The following ITCH variants were observed in gnomAD, a reference collection of about 807,000 sequenced individuals.
The protein encoded by ITCH is E3 ubiquitin-protein ligase Itchy homolog.
A neutral mutation model predicts 126.8 loss-of-function variants in ITCH; 28 were observed. The ratio of observed to expected loss-of-function variants is 0.22; its 90% CI spans 0.16 to 0.30. The LOEUF (loss-of-function observed/expected upper bound fraction) is 0.30. ITCH is among the 10% of genes least tolerant of loss of function. The probability of loss-of-function intolerance (pLI) is 1.00; values close to 1 mark genes in which losing one functional copy is unlikely to be tolerated. For missense variants in ITCH, 631 were observed against 1,032.4 expected, an observed-to-expected ratio of 0.61 and a Z score of 5.33; for synonymous variants, 342 against 340.0, an observed-to-expected ratio of 1.01 and a Z score of -0.06.
Position 34,428,451 on chromosome 20 carries a change from G to A in ITCH, c.521+3926G>A, listed in dbSNP as rs141295731. 7.9e-3 allele frequency among the ~76,000 whole-genome samples: 1,196 copies of A among 152,222 alleles called. 15 individuals are homozygous for A. Among genetic ancestry groups the A allele is most frequent in the African/African-American group, 0.027 (1,139 of 41,520 alleles). The stretch of plus-strand genomic sequence containing the variant: ...TGTTTATTGATCTGTTTTCCCCACA[G>A]CATGTCTGGATGTTTTATGTTTCTC... On this transcript the variant is annotated intron_variant, in intron 7 of 24. Coordinates refer to ENST00000374864, the MANE Select transcript of ITCH (RefSeq NM_031483.7).
intron 2 of ITCH, among the ~76,000 whole-genome samples, chr20:34,388,210 A>G (rs2038360022): frequency 6.7e-6 from 1 of 149,382 alleles, no homozygotes; most frequent in Admixed American, 6.7e-5. Context: ...CGGTCCTCCC[A>G]GTTTGGCCTC....
At chr20:34,417,202 T>C in intron 6 of ITCH, 1 of 675,100 alleles carries the variant, frequency 1.5e-6, no homozygotes, top group Non-Finnish European at 2.7e-6. Flanking sequence ...GTTTAAGTGA[T>C]TCTCCTATCT....
intron 7 of ITCH, among the ~76,000 whole-genome samples, chr20:34,428,608 G>A (rs983530415): frequency 1.1e-4 from 17 of 152,120 alleles, no homozygotes; most frequent in African/African-American, 4.1e-4. Context: ...TTTAAAGACA[G>A]GCTCTCGCTC....
intron 6 of ITCH, among the ~76,000 whole-genome samples, chr20:34,420,746 T>C (rs956261074): frequency 6.6e-6 from 1 of 152,202 alleles, no homozygotes; most frequent in African/African-American, 2.4e-5. Flanking sequence ...TGGTTTTTTG[T>C]CTCTTCCTCA....
intron 16 of ITCH, among the ~76,000 whole-genome samples, chr20:34,471,796 T>TGTGTGTG (rs58040161): frequency 2.7e-3 from 408 of 150,010 alleles, no homozygotes; most frequent in African/African-American, 3.1e-3. Context: ...TGTGTGTGTG[T>TGTGTGTG]TTCAGGTTTC....
At chr20:34,372,179 CCTGTAGTCCCAGCTACT>C (rs1237427345) in intron 2 of ITCH, among the ~76,000 whole-genome samples, 1 of 150,092 alleles carries the variant, frequency 6.7e-6, no homozygotes, top group Non-Finnish European at 1.5e-5. Flanking sequence ...GTGGCGGGCG[CCTGTAGTCCCAGCTACT>C]CGGGAGGCTG....
intron 1 of ITCH, among the ~76,000 whole-genome samples, chr20:34,365,097 G>A (rs1427392171): frequency 6.6e-6 from 1 of 152,028 alleles, no homozygotes; most frequent in Admixed American, 6.6e-5. Context: ...ATACTCAGGA[G>A]GCTGAGGTGG....
At chr20:34,379,709 C>T (rs906665244) in intron 2 of ITCH, among the ~76,000 whole-genome samples, 5 of 151,138 alleles carry the variant, frequency 3.3e-5, no homozygotes, top group East Asian at 3.9e-4. Context: ...ATTCTCCTGC[C>T]TCAGCCTCCC....
intron 7 of ITCH, among the ~76,000 whole-genome samples, chr20:34,427,949 A>G (rs1412283159): frequency 2.0e-5 from 3 of 152,184 alleles, no homozygotes; most frequent in Non-Finnish European, 4.4e-5. Context: ...ATTTATTATA[A>G]AGGCATTGCT....
At chr20:34,500,737 A>ATCCGGGGCGGGTG in intron 23 of ITCH, among the ~76,000 whole-genome samples, 1 of 152,198 alleles carries the variant, frequency 6.6e-6, no homozygotes, top group Middle Eastern at 3.4e-3. Context: ...TGCTTTATAT[A>ATCCGGGGCGGGTG]TCCGTCGTTC....
chr20:34,418,980 C>CA (rs1980372286), intron 6 of ITCH, among the ~76,000 whole-genome samples: 2 of 152,100 alleles, frequency 1.3e-5, no homozygotes, highest in African/African-American at 4.8e-5. Flanking sequence ...AGGCTGGTCT[C>CA]AAATTCCCAG....
chr20:34,460,153 T>C lies in ITCH; in HGVS notation c.1296-1940T>C, dbSNP rs17091821. Among the ~76,000 whole-genome samples the C allele has an allele frequency of 2.1e-4, 31 of 150,390 alleles. 1 individual carries two copies. The East Asian group carries it at 5.9e-3, about 28-fold the overall frequency. Reference sequence around the variant, plus strand: ...TTTTGGTAGTCTGTTTTATCTGACATTTGTATTCAGTTAAGTGAATACAGG... The same window carrying C: ...TTTTGGTAGTCTGTTTTATCTGACACTTGTATTCAGTTAAGTGAATACAGG... On this transcript the variant is annotated intron_variant, in intron 13 of 24. Coordinates refer to ENST00000374864, the MANE Select transcript of ITCH (RefSeq NM_031483.7).
At chr20:34,501,968 T>C (rs1008809242) in intron 23 of ITCH, among the ~76,000 whole-genome samples, 2 of 152,104 alleles carry the variant, frequency 1.3e-5, no homozygotes, top group African/African-American at 4.8e-5. Context: ...AAAAGCATAG[T>C]ATCAGAATAT....
intron 16 of ITCH, among the ~76,000 whole-genome samples, 168 bp from the exon 17 acceptor site, chr20:34,477,604 G>A (rs887677892): frequency 1.1e-4 from 16 of 152,054 alleles, no homozygotes; most frequent in Non-Finnish European, 1.0e-4. Context: ...ATTATTAAAC[G>A]TTACTATAAT....
At chr20:34,428,450 A>G (rs773335912) in intron 7 of ITCH, among the ~76,000 whole-genome samples, 1 of 152,088 alleles carries the variant, frequency 6.6e-6, no homozygotes, top group Non-Finnish European at 1.5e-5. Context: ...TTTTCCCCAC[A>G]GCATGTCTGG....
chr20:34,410,851 T>C (rs1281072344), intron 4 of ITCH, among the ~76,000 whole-genome samples: 1 of 152,202 alleles, frequency 6.6e-6, no homozygotes, highest in Admixed American at 6.5e-5. Context: ...ATGAACTTCT[T>C]AGTGATTTAA....
intron 14 of ITCH, among the ~76,000 whole-genome samples, chr20:34,467,317 T>C (rs1483609089): frequency 1.3e-5 from 2 of 152,042 alleles, no homozygotes; most frequent in Non-Finnish European, 2.9e-5. Context: ...TCACTTGAGC[T>C]CAAGAGTTCA....
At chr20:34,381,408 G>T (rs1452109911) in intron 2 of ITCH, among the ~76,000 whole-genome samples, 1 of 151,880 alleles carries the variant, frequency 6.6e-6, no homozygotes, top group Non-Finnish European at 1.5e-5. Flanking sequence ...GGGACTACAG[G>T]TGTGTGCCAC....
chr20:34,433,618 AT>A (rs1255828040), intron 7 of ITCH, among the ~76,000 whole-genome samples: 2 of 148,422 alleles, frequency 1.3e-5, no homozygotes, highest in African/African-American at 5.0e-5. Flanking sequence ...GATTGTGCCT[AT>A]GCACTCCAGC....
Sources: allele counts gnomAD v4.1 joint callset (sites outside exome capture counted in the v4.1 genomes callset), GRCh38; gene constraint gnomAD v4.1.1; transcripts MANE v1.5; gene names NCBI Gene and HGNC (gene_info 2026-07-23, HGNC 2026-07-21).